CFAP61: variants seen among roughly 807,000 people sequenced by gnomAD.
CFAP61 encodes cilia- and flagella-associated protein 61.
CFAP61 carries 107 observed loss-of-function variants against 135.6 expected under a neutral mutation model. That is an observed-to-expected ratio of 0.79 (90% confidence interval 0.67 to 0.93). The LOEUF (loss-of-function observed/expected upper bound fraction) is 0.93, where lower values mean the gene tolerates loss of function less well. Ranked by LOEUF, CFAP61 falls within the 40% of genes least tolerant of loss-of-function variation. The pLI is 0.00. For synonymous variants in CFAP61, 575 were observed against 578.5 expected (o/e 0.99, Z 0.09); for missense variants, 1,507 against 1,556.2 (o/e 0.97, Z 0.53).
At chr20:20,299,259 A>G (rs1279045548) in intron 25 of CFAP61, among the ~76,000 whole-genome samples, 1 of 152,236 alleles carries the variant, frequency 6.6e-6, no homozygotes, top group Non-Finnish European at 1.5e-5. Flanking sequence ...ATGTTAAGAA[A>G]TAATTCCTTA....
At chr20:20,113,158 G>T (rs918191868) in intron 8 of CFAP61, among the ~76,000 whole-genome samples, 1 of 152,148 alleles carries the variant, frequency 6.6e-6, no homozygotes, top group Non-Finnish European at 1.5e-5. Flanking sequence ...TCAAACTTAT[G>T]TATAGTGTGG....
chr20:20,334,281 C>T (rs2058097586), intron 25 of CFAP61, among the ~76,000 whole-genome samples: 1 of 152,164 alleles, frequency 6.6e-6, no homozygotes, highest in Admixed American at 6.5e-5. Context: ...CATGCACCAC[C>T]ACACCCTGCT....
intron 13 of CFAP61, among the ~76,000 whole-genome samples, chr20:20,171,445 C>T (rs576447779): frequency 1.1e-4 from 16 of 152,320 alleles, no homozygotes; most frequent in African/African-American, 3.8e-4. Context: ...AGGAAAGCTA[C>T]ATCTTTATTC....
At chr20:20,057,743 G>A (rs963118737) in intron 2 of CFAP61, among the ~76,000 whole-genome samples, 2 of 152,098 alleles carry the variant, frequency 1.3e-5, no homozygotes, top group Non-Finnish European at 2.9e-5. Flanking sequence ...TTGAGACAGA[G>A]GTTTGCTCTA....
At chr20:20,277,503 G>A (rs1011974918) in intron 22 of CFAP61, 45 bp downstream of exon 22, 1 of 1,543,950 alleles carries the variant, frequency 6.5e-7, no homozygotes, top group Non-Finnish European at 8.8e-7. Flanking sequence ...AGGGACAGAG[G>A]ACATCTCCAA....
intron 7 of CFAP61, among the ~76,000 whole-genome samples, chr20:20,092,685 T>TG (rs2047285676): frequency 6.6e-6 from 1 of 151,634 alleles, no homozygotes; most frequent in African/African-American, 2.4e-5. Context: ...TAGACACTTT[T>TG]AAAAAAAATG....
At chr20:20,203,677 T>G (rs746457270) in intron 17 of CFAP61, among the ~76,000 whole-genome samples, 24 of 152,190 alleles carry the variant, frequency 1.6e-4, no homozygotes, top group Non-Finnish European at 2.8e-4. Context: ...GTGGTTATAT[T>G]GATTAAAGAC....
At chr20:20,297,509 G>A (rs938758553) in intron 24 of CFAP61, among the ~76,000 whole-genome samples, 36 of 152,196 alleles carry the variant, frequency 2.4e-4, no homozygotes, top group African/African-American at 8.4e-4. Flanking sequence ...CTGTGGCATG[G>A]AATTGGAGCA....
intron 20 of CFAP61, among the ~76,000 whole-genome samples, chr20:20,254,658 C>T (rs1002211027): frequency 6.6e-6 from 1 of 152,168 alleles, no homozygotes. Flanking sequence ...CCCCTTCCCC[C>T]ATTGTCTTCA....
chr20:20,333,453 A>G (rs1487933806), intron 25 of CFAP61, among the ~76,000 whole-genome samples: 5 of 152,236 alleles, frequency 3.3e-5, no homozygotes, highest in Admixed American at 6.5e-5. Flanking sequence ...AACTGAGGCC[A>G]GGTCAGCAAC....
intron 18 of CFAP61, among the ~76,000 whole-genome samples, chr20:20,236,260 T>G (rs2049584099): frequency 6.6e-6 from 1 of 152,200 alleles, no homozygotes; most frequent in African/African-American, 2.4e-5. Context: ...TACAATTCAG[T>G]AGGCCTGGGG....
At chr20:20,138,723 G>T (rs2051134992) in intron 8 of CFAP61, among the ~76,000 whole-genome samples, 1 of 152,194 alleles carries the variant, frequency 6.6e-6, no homozygotes, top group Non-Finnish European at 1.5e-5. Context: ...GTACATAATT[G>T]TTAAATTTTG....
chr20:20,054,776 T>A (rs761193157), intron 1 of CFAP61, among the ~76,000 whole-genome samples: 1 of 152,264 alleles, frequency 6.6e-6, no homozygotes, highest in South Asian at 2.1e-4. Flanking sequence ...TTATAGACAG[T>A]CTGTCTTTTG....
chr20:20,127,229 A>C (rs987742241), intron 8 of CFAP61, among the ~76,000 whole-genome samples: 13 of 150,946 alleles, frequency 8.6e-5, no homozygotes, highest in Non-Finnish European at 1.6e-4. Flanking sequence ...TAAATCAGGG[A>C]TTTCTTCTTG....
At chr20:20,280,962 T>C (rs964733576) in intron 22 of CFAP61, among the ~76,000 whole-genome samples, 4 of 152,190 alleles carry the variant, frequency 2.6e-5, no homozygotes, top group Non-Finnish European at 5.9e-5. Context: ...TTCCTGACAA[T>C]TAATTATGTT....
intron 8 of CFAP61, among the ~76,000 whole-genome samples, chr20:20,120,834 A>G (rs894174718): frequency 1.3e-5 from 2 of 152,184 alleles, no homozygotes; most frequent in Admixed American, 6.5e-5. Context: ...ATAGATATTT[A>G]TAATTGTTAT....
intron 26 of CFAP61, among the ~76,000 whole-genome samples, chr20:20,358,366 C>T (rs2059352250): frequency 6.6e-6 from 1 of 152,150 alleles, no homozygotes; most frequent in Non-Finnish European, 1.5e-5. Flanking sequence ...TAATCTAGAG[C>T]AATATTTGCC....
intron 2 of CFAP61, among the ~76,000 whole-genome samples, chr20:20,058,058 A>C (rs138213723): frequency 2.0e-5 from 3 of 152,290 alleles, no homozygotes; most frequent in Non-Finnish European, 4.4e-5. Context: ...TGAAAATATT[A>C]AATATCCTAG....
At chr20:20,269,142 T>TACAC (rs1399422052) in intron 21 of CFAP61, among the ~76,000 whole-genome samples, 3 of 85,652 alleles carry the variant, frequency 3.5e-5, no homozygotes, top group Admixed American at 1.3e-4. Flanking sequence ...TATATATATA[T>TACAC]ATATACACAC....
Sources: allele counts gnomAD v4.1 joint callset (sites outside exome capture counted in the v4.1 genomes callset), GRCh38; gene constraint gnomAD v4.1.1; transcripts MANE v1.5; gene names NCBI Gene and HGNC (gene_info 2026-07-23, HGNC 2026-07-21).